CNTFR: variants seen among roughly 807,000 people sequenced by gnomAD.
CNTFR encodes ciliary neurotrophic factor receptor.
CNTFR carries 12 observed loss-of-function variants against 40.4 expected under a neutral mutation model. The ratio of observed to expected loss-of-function variants is 0.30; its 90% CI spans 0.19 to 0.48. The LOEUF is 0.48. CNTFR is among the 20% of genes least tolerant of loss of function. The pLI, the probability that CNTFR is intolerant of heterozygous loss-of-function variation, is 0.99. For synonymous variants in CNTFR, 202 were observed against 209.6 expected (o/e 0.96, Z 0.31); for missense variants, 414 against 506.8 (o/e 0.82, Z 1.76).
In CNTFR at chr9:34,552,208, A is replaced by T. The variant is rs1421215096; in HGVS notation, c.1071T>A (p.Thr357=). ...TGGCGGCAGCGGCAGCCAGGGCCAG[A>T]GTGATGGGGACGCTGACCAAGAAGG... ...SAPFLVSVPI[T]LALAAAAATA... is the part of the protein sequence containing the mutation. Residue 357 remains threonine (T), a synonymous_variant, in exon 9 of 10, where the codon ACT becomes ACA. Coordinates refer to ENST00000378980, the MANE Select transcript of CNTFR (RefSeq NM_147164.3). This position sits in a 1 kb window ranked among gnomAD's most constrained non-coding sequence, Gnocchi z 5.1. The T allele has an allele frequency of 1.3e-6, 2 of 1,582,776 alleles. No homozygotes were observed. Among genetic ancestry groups the T allele is most frequent in the Non-Finnish European group, 1.7e-6 (2 of 1,164,808 alleles).
intron 2 of CNTFR, among the ~76,000 whole-genome samples, chr9:34,578,520 G>A (rs554971655): frequency 6.6e-6 from 1 of 152,340 alleles, no homozygotes; most frequent in Admixed American, 6.5e-5. Flanking sequence ...TGGTCTCAGG[G>A]CTGACCTCTG....
At position 34,552,424 on chromosome 9, in the gene CNTFR, G is replaced by T; in HGVS notation, c.950-95C>A. 2.3e-6 allele frequency: 3 copies of T among 1,314,242 alleles called. No individual in the cohort carries two copies. Among genetic ancestry groups the T allele is most frequent in the Non-Finnish European group, 3.1e-6 (3 of 972,408 alleles). The allele number at this position is 1,314,242 out of a possible 1,614,324, so 81.4% of individuals were successfully genotyped here. On this transcript the variant is annotated intron_variant, in intron 8 of 9. Coordinates refer to ENST00000378980, the MANE Select transcript of CNTFR (RefSeq NM_147164.3). The surrounding 1 kb of genome is among the most constrained non-coding windows in gnomAD (Gnocchi z 5.1). ...ACATACCATTCTGCTTCCTGCATCA[G>T]ACTGGTACTGCCTCCCCCATCAGGC...
At chr9:34,585,686 C>T (rs530820482) in intron 1 of CNTFR, among the ~76,000 whole-genome samples, 1 of 152,280 alleles carries the variant, frequency 6.6e-6, no homozygotes, top group Admixed American at 6.5e-5. Flanking sequence ...CTTCCCAGCC[C>T]CTCCCCACAG....
At chr9:34,576,437 G>A (rs1337618577) in intron 2 of CNTFR, among the ~76,000 whole-genome samples, 4 of 152,138 alleles carry the variant, frequency 2.6e-5, no homozygotes, top group East Asian at 3.9e-4. Flanking sequence ...CCCCGACACC[G>A]GCAATGGGAA....
chr9:34,565,041 A>G (rs1340889723), intron 3 of CNTFR, among the ~76,000 whole-genome samples: 2 of 152,024 alleles, frequency 1.3e-5, no homozygotes, highest in African/African-American at 4.8e-5. Flanking sequence ...TCCAAATGTG[A>G]ATGTGAGTGA....
rs572849077 is a variant in CNTFR at position 34,557,199 on chromosome 9, G to GT, written c.604+326_604+327insA. On this transcript the variant is annotated intron_variant, in intron 6 of 9. Transcript: ENST00000378980. The surrounding 1 kb of genome is among the most constrained non-coding windows in gnomAD (Gnocchi z 4.2). ...TAAGGAAGCCATTAGAGTTGGGGGG[G>GT]GGTGCGGTGGAGGCTGCAGCTGCAC... Among the ~76,000 whole-genome samples, 5 of 151,288 alleles carry GT rather than the reference G, an allele frequency of 3.3e-5. No homozygotes were observed. Among genetic ancestry groups the GT allele is most frequent in the African/African-American group, 1.2e-4 (5 of 41,270 alleles).
chr9:34,585,272 C>T (rs1316940826), intron 1 of CNTFR, among the ~76,000 whole-genome samples: 3 of 152,146 alleles, frequency 2.0e-5, no homozygotes, highest in Non-Finnish European at 2.9e-5. Flanking sequence ...TGCAACCTTC[C>T]TGGGTGTCAC....
intron 4 of CNTFR, among the ~76,000 whole-genome samples, chr9:34,559,950 C>G (rs1826003776): frequency 6.6e-6 from 1 of 152,220 alleles, no homozygotes; most frequent in South Asian, 2.1e-4. Flanking sequence ...CCCCCTCACG[C>G]CAGTTCCTCT....
chr9:34,575,705 C>T (rs1270356230), intron 2 of CNTFR, among the ~76,000 whole-genome samples: 4 of 146,002 alleles, frequency 2.7e-5, no homozygotes, highest in Admixed American at 6.8e-5. Context: ...ACACACACCC[C>T]GGGGGGTGGG....
chr9:34,560,959 G>A (rs995945681), intron 4 of CNTFR, among the ~76,000 whole-genome samples: 1 of 152,212 alleles, frequency 6.6e-6, no homozygotes, highest in Non-Finnish European at 1.5e-5. Context: ...CGGCACGCAT[G>A]AGGCCTGCCC....
At chr9:34,587,174 T>C (rs958311573) in intron 1 of CNTFR, among the ~76,000 whole-genome samples, 7 of 152,072 alleles carry the variant, frequency 4.6e-5, no homozygotes, top group African/African-American at 2.4e-5. Context: ...TGAGAGAGCC[T>C]GTGAGTCCCA....
intron 3 of CNTFR, among the ~76,000 whole-genome samples, chr9:34,567,543 G>A (rs986149210): frequency 4.6e-5 from 7 of 152,110 alleles, no homozygotes; most frequent in South Asian, 4.1e-4. Flanking sequence ...CACCTGATAC[G>A]AGATCACATG....
At chr9:34,584,107 T>C (rs3763615) in intron 1 of CNTFR, among the ~76,000 whole-genome samples, 44,433 of 152,082 alleles carry the variant, frequency 0.29, 6,744 homozygotes, top group Non-Finnish European at 0.31. Context: ...TTGTGTTTTT[T>C]GCCACACTCT....
intron 2 of CNTFR, among the ~76,000 whole-genome samples, chr9:34,576,989 A>G (rs573717182): frequency 4.2e-4 from 64 of 152,300 alleles, no homozygotes; most frequent in African/African-American, 1.3e-3. Flanking sequence ...AGCCCCCACC[A>G]AAGCCCTGGC....
rs564926039 is a variant in CNTFR at position 34,572,983 on chromosome 9, T to A, written c.1-4002A>T. ...ACTCAGTAACAGTCTCACAGAATGATACTAGTCCACAGCAATACTGGCAGC... is the reference window on the plus strand; with the variant it reads ...ACTCAGTAACAGTCTCACAGAATGAAACTAGTCCACAGCAATACTGGCAGC... On this transcript the variant is annotated intron_variant, in intron 2 of 9. Coordinates refer to ENST00000378980, the MANE Select transcript of CNTFR (RefSeq NM_147164.3). Among the ~76,000 whole-genome samples the A allele has an allele frequency of 1.9e-4, 29 of 152,298 alleles. 1 individual carries two copies. In the South Asian group the frequency reaches 2.7e-3, roughly 14 times the overall value.
At chr9:34,581,627 T>C (rs190452216) in intron 1 of CNTFR, among the ~76,000 whole-genome samples, 222 of 152,352 alleles carry the variant, frequency 1.5e-3, no homozygotes, top group Non-Finnish European at 2.4e-3. Flanking sequence ...TTATTGAGCA[T>C]CTATTATATG....
Position 34,564,834 on chromosome 9 carries a change from T to C in CNTFR, c.86-2A>G. 3 of 1,611,296 alleles carry C rather than the reference T, an allele frequency of 1.9e-6. No homozygotes were observed. The highest frequency in any genetic ancestry group is 2.5e-6 in the Non-Finnish European group (3 of 1,179,166). On this transcript the variant is annotated splice_acceptor_variant, in intron 3 of 9. Coordinates refer to ENST00000378980, the MANE Select transcript of CNTFR (RefSeq NM_147164.3). LOFTEE classifies it high-confidence loss of function. ...GCTCGTACTGCACATGGGGTGCCTC[T>C]GTGGGGGGTGGGGGCACAGGGCAAA...
At chr9:34,558,206 C>G (rs559450916) in intron 4 of CNTFR, among the ~76,000 whole-genome samples, 2 of 152,334 alleles carry the variant, frequency 1.3e-5, no homozygotes, top group South Asian at 4.1e-4. Context: ...ACGGAACCCC[C>G]CCTCCACCTG....
chr9:34,571,718 G>A (rs1028512560), intron 2 of CNTFR, among the ~76,000 whole-genome samples: 5 of 152,098 alleles, frequency 3.3e-5, no homozygotes, highest in African/African-American at 9.7e-5. Flanking sequence ...TGCTGAGAGT[G>A]AGTGCTGCAG....
Sources: allele counts gnomAD v4.1 joint callset (sites outside exome capture counted in the v4.1 genomes callset), GRCh38; gene constraint gnomAD v4.1.1; non-coding constraint Gnocchi (gnomAD v3.1); transcripts MANE v1.5; gene names NCBI Gene and HGNC (gene_info 2026-07-23, HGNC 2026-07-21).